LRRIQ1: variants seen among roughly 807,000 people sequenced by gnomAD.
LRRIQ1 encodes leucine-rich repeat- and IQ domain-containing protein 1.
Under a neutral mutation model 211.9 loss-of-function variants are expected in LRRIQ1, and 210 were observed. The observed-to-expected ratio is 0.99, with a 90% CI of 0.89 to 1.11. The LOEUF (loss-of-function observed/expected upper bound fraction) is 1.11. LRRIQ1 is among the 50% of genes most tolerant of loss of function. LRRIQ1 has a pLI of 0.00. For missense variants in LRRIQ1, 2,136 were observed against 1,939.5 expected (o/e 1.10, Z -1.90); for synonymous variants, 699 against 650.1 (o/e 1.08, Z -1.14).
intron 19 of LRRIQ1, among the ~76,000 whole-genome samples, chr12:85,149,046 A>G (rs1479998772): frequency 6.6e-6 from 1 of 151,952 alleles, no homozygotes; most frequent in Admixed American, 6.6e-5. Context: ...ACTTCTGGAT[A>G]TTAGACTTTT....
intron 5 of LRRIQ1, 99 bp from the exon 6 acceptor site, chr12:85,047,148 A>C: frequency 1.2e-6 from 1 of 844,360 alleles, no homozygotes; most frequent in Non-Finnish European, 1.7e-6. Flanking sequence ...ACTTAAAGTA[A>C]AATTAAAAAA....
intron 11 of LRRIQ1, among the ~76,000 whole-genome samples, chr12:85,086,262 C>A (rs535823842): frequency 9.2e-5 from 14 of 152,090 alleles, no homozygotes. Context: ...TGTTCCTACC[C>A]AAATCTCATA....
At position 85,038,146 on chromosome 12, in the gene LRRIQ1, A is replaced by G. The variant is rs961981311; in HGVS notation, c.-24-7A>G. 1.3e-5 allele frequency: 18 copies of G among 1,419,884 alleles called. No individual in the cohort carries two copies. The highest frequency in any genetic ancestry group is 1.6e-5 in the Non-Finnish European group (17 of 1,077,974). 88.0% of individuals were successfully genotyped at this position (1,419,884 alleles called of 1,614,324 possible). A position where few individuals can be genotyped will look rare whatever the true frequency, so the allele number is the denominator to read the frequency against. On this transcript the variant is annotated splice_polypyrimidine_tract_variant and splice_region_variant and intron_variant, in intron 1 of 26. Transcript: ENST00000393217. ...TGACATATTAGCCTCTTCATTTTTT[A>G]AAGCAGTTCTGTGCTTTATTATGAA... is the stretch of plus-strand genomic sequence containing the variant.
intron 6 of LRRIQ1, among the ~76,000 whole-genome samples, chr12:85,049,425 T>C (rs1005607490): frequency 6.6e-6 from 1 of 152,194 alleles, no homozygotes; most frequent in Admixed American, 6.5e-5. Context: ...CAGTAAGAAA[T>C]GCTTCTTTCT....
intron 24 of LRRIQ1, among the ~76,000 whole-genome samples, chr12:85,210,155 T>G (rs1046728158): frequency 6.6e-6 from 1 of 152,170 alleles, no homozygotes; most frequent in African/African-American, 2.4e-5. Flanking sequence ...AAATATTAAA[T>G]TATGAAAATG....
At chr12:85,198,177 A>T (rs1371156782) in intron 24 of LRRIQ1, among the ~76,000 whole-genome samples, 3 of 129,094 alleles carry the variant, frequency 2.3e-5, no homozygotes, top group South Asian at 2.2e-4. Flanking sequence ...ATTTATATTT[A>T]TATATATATA....
intron 25 of LRRIQ1, 56 bp from the exon 26 acceptor site, chr12:85,232,640 A>C: frequency 7.1e-7 from 1 of 1,404,322 alleles, no homozygotes; most frequent in South Asian, 1.3e-5. Flanking sequence ...CGTTTCTTTT[A>C]TATGCTTCCT....
At chr12:85,069,781 G>C (rs1038667536) in intron 10 of LRRIQ1, among the ~76,000 whole-genome samples, 5 of 151,928 alleles carry the variant, frequency 3.3e-5, no homozygotes, top group Non-Finnish European at 7.4e-5. Flanking sequence ...CTTTTTGATG[G>C]GGTTGTTTGT....
intron 1 of LRRIQ1, among the ~76,000 whole-genome samples, chr12:85,037,182 T>C (rs1053282518): frequency 1.3e-5 from 2 of 151,432 alleles, no homozygotes; most frequent in South Asian, 4.2e-4. Flanking sequence ...ACTTCTCTTT[T>C]GTTTTTAAAA....
At chr12:85,210,607 A>G (rs973303911) in intron 24 of LRRIQ1, among the ~76,000 whole-genome samples, 2 of 152,208 alleles carry the variant, frequency 1.3e-5, no homozygotes, top group African/African-American at 4.8e-5. Context: ...AACTACATCT[A>G]TAGTGTTACT....
chr12:85,132,145 G>A (rs765339737), intron 18 of LRRIQ1, among the ~76,000 whole-genome samples: 1 of 151,970 alleles, frequency 6.6e-6, no homozygotes, highest in Non-Finnish European at 1.5e-5. Context: ...TCAATCCTTT[G>A]GCTCATGTCA....
intron 23 of LRRIQ1, among the ~76,000 whole-genome samples, chr12:85,158,662 A>C (rs901092982): frequency 6.6e-6 from 1 of 151,966 alleles, no homozygotes; most frequent in Admixed American, 6.6e-5. Flanking sequence ...TTCTTGAAAC[A>C]TTTTTGAACA....
chr12:85,167,329 A>G (rs547166000), intron 24 of LRRIQ1, among the ~76,000 whole-genome samples: 53 of 152,302 alleles, frequency 3.5e-4, no homozygotes, highest in Non-Finnish European at 6.6e-4. Flanking sequence ...GACTAACACG[A>G]TCACAGAGTG....
At chr12:85,192,367 C>T (rs1038678807) in intron 24 of LRRIQ1, among the ~76,000 whole-genome samples, 1 of 135,010 alleles carries the variant, frequency 7.4e-6, no homozygotes, top group Non-Finnish European at 1.5e-5. Context: ...TGTACTCTTC[C>T]GTTATATATA....
At chr12:85,142,064 T>G (rs1169217604) in intron 19 of LRRIQ1, among the ~76,000 whole-genome samples, 1 of 151,446 alleles carries the variant, frequency 6.6e-6, no homozygotes, top group African/African-American at 2.4e-5. Context: ...ATCTAAATAT[T>G]TATCTTCTCT....
At position 85,056,675 on chromosome 12, in the gene LRRIQ1, G is replaced by A. The variant is rs556001607; in HGVS notation, c.1882G>A (p.Val628Ile). 2.9e-5 allele frequency: 46 copies of A among 1,603,868 alleles called. No individual in the cohort carries two copies. The highest frequency in any genetic ancestry group is 4.0e-5 in the African/African-American group (3 of 74,250). Residue 628 changes from valine (V) to isoleucine (I), a missense_variant, in exon 8 of 27, where the codon GTA becomes ATA. Transcript: ENST00000393217. Reference protein sequence around the residue: ...SENSKDVRENVILQEKEIYSK... With the variant: ...SENSKDVRENIILQEKEIYSK... ...AAATTCCAAAGATGTAAGAGAAAAC[G>A]TAATATTACAAGAAAAAGAAATTTA... is the stretch of plus-strand genomic sequence containing the variant.
chr12:85,152,529 A>G (rs1890309903), intron 20 of LRRIQ1, among the ~76,000 whole-genome samples, 160 bp downstream of exon 20: 1 of 151,776 alleles, frequency 6.6e-6, no homozygotes, highest in East Asian at 1.9e-4. Flanking sequence ...TTTTTCATGT[A>G]GCTTTTCTTT....
chr12:85,185,303 G>A (rs1342021665), intron 24 of LRRIQ1, among the ~76,000 whole-genome samples: 1 of 151,734 alleles, frequency 6.6e-6, no homozygotes, highest in African/African-American at 2.4e-5. Flanking sequence ...TTATATCATG[G>A]AAATGTGTAT....
chr12:85,236,037 T>C (rs1199455234), intron 26 of LRRIQ1, among the ~76,000 whole-genome samples: 2 of 152,074 alleles, frequency 1.3e-5, no homozygotes, highest in Admixed American at 1.3e-4. Context: ...ACTATAAAGA[T>C]TGGAAAGCTG....
Sources: gnomAD v4.1 joint callset for allele counts (sites outside exome capture counted in the v4.1 genomes callset) on GRCh38, gnomAD v4.1.1 for gene constraint, MANE v1.5 for transcripts, NCBI Gene and HGNC (gene_info 2026-07-23, HGNC 2026-07-21) for gene names.